The following DCAF5 variants were observed in gnomAD, a reference collection of about 807,000 sequenced individuals.
The protein encoded by DCAF5 is DDB1 and CUL4 associated factor 5.
Under a neutral mutation model 80.7 loss-of-function variants are expected in DCAF5, and 9 were observed. The observed-to-expected ratio is 0.11, with a 90% CI of 0.07 to 0.19. DCAF5 has a LOEUF of 0.19. Among genes scored for constraint, DCAF5 ranks in the 10% least tolerant of loss-of-function variants. The pLI is 1.00. For synonymous variants in DCAF5, 433 were observed against 461.9 expected (o/e 0.94, Z 0.80); for missense variants, 842 against 1,205.7 (o/e 0.70, Z 4.47).
At chr14:69,083,871 C>T (rs1467674311) in intron 6 of DCAF5, 1 of 758,674 alleles carries the variant, frequency 1.3e-6, no homozygotes, top group East Asian at 2.4e-5. Context: ...GTGAGATGCC[C>T]AGCCTGCCCC....
In DCAF5 at chr14:69,054,475, A is replaced by G. The variant is rs745435862; in HGVS notation, c.2211T>C (p.Thr737=). 19 of 1,613,888 alleles carry G rather than the reference A, an allele frequency of 1.2e-5. No individual in the cohort carries two copies. Among genetic ancestry groups the G allele is most frequent in the South Asian group, 6.6e-5 (6 of 91,082 alleles). ...GCSKDTFKEE[T]PRTPSNGPGH... is the part of the protein sequence containing the mutation. ...CTGGGCCATTGCTGGGAGTTCTAGG[A>G]GTCTCTTCTTTAAAAGTGTCCTTGC... The change falls in exon 9 of 9, where the codon ACT becomes ACC. Residue 737 remains threonine, a synonymous_variant. Transcript: ENST00000341516.
At chr14:69,120,174 C>A (rs892005995) in intron 2 of DCAF5, among the ~76,000 whole-genome samples, 1 of 152,054 alleles carries the variant, frequency 6.6e-6, no homozygotes, top group African/African-American at 2.4e-5. Context: ...GTCTTGACCT[C>A]CTGTGCTCAA....
chr14:69,143,814 CT>C, intron 1 of DCAF5: 1 of 152,228 alleles, frequency 6.6e-6, no homozygotes, highest in South Asian at 2.1e-4. Context: ...ATAAAAAAAT[CT>C]TTTTTCACCC....
rs2037885565 is a variant in DCAF5 at position 69,054,704 on chromosome 14, T to C, written c.1982A>G (p.Tyr661Cys). The part of the protein sequence containing the change: ...SDIESVERKI[Y>C]KAYKWLRYSY... Reference sequence around the variant, plus strand: ...GTAGCGGAGCCACTTGTAAGCTTTATAAATTTTTCGCTCAACTGATTCTAT... The same window carrying C: ...GTAGCGGAGCCACTTGTAAGCTTTACAAATTTTTCGCTCAACTGATTCTAT... The change falls in exon 9 of 9, where the codon TAT (tyrosine) becomes TGT (cysteine). Residue 661 changes from tyrosine to cysteine, a missense_variant. This residue lies in a region of DCAF5 where 607 missense variants were observed against 656.6 expected (regional missense o/e 0.92). Coordinates refer to ENST00000341516, the MANE Select transcript of DCAF5 (RefSeq NM_003861.3). The C allele has an allele frequency of 6.2e-7, 1 of 1,614,258 alleles. No homozygotes were observed. The highest frequency in any genetic ancestry group is 8.5e-7 in the Non-Finnish European group (1 of 1,180,046).
At chr14:69,132,461 G>C (rs1005955642) in intron 1 of DCAF5, among the ~76,000 whole-genome samples, 6 of 152,086 alleles carry the variant, frequency 3.9e-5, no homozygotes, top group African/African-American at 1.4e-4. Context: ...CTTTCTTCAT[G>C]AGTACCTACC....
In DCAF5 at chr14:69,118,607, A is replaced by G. The variant is rs533453602; in HGVS notation, c.396-329T>C. On this transcript the variant is annotated intron_variant, in intron 3 of 8. Transcript: ENST00000341516. The surrounding 1 kb of genome is among the most constrained non-coding windows in gnomAD (Gnocchi z 4.0). Reference sequence around the variant, plus strand: ...ATTTGGGGGTCATACTTGATTTTCAAAAAGCAAGGGAAAGCTTTAAAGCAG... The same window carrying G: ...ATTTGGGGGTCATACTTGATTTTCAGAAAGCAAGGGAAAGCTTTAAAGCAG... Among the ~76,000 whole-genome samples, 3 of 152,300 alleles carry G rather than the reference A, an allele frequency of 2.0e-5. No homozygotes were observed. Among genetic ancestry groups the G allele is most frequent in the African/African-American group, 7.2e-5 (3 of 41,562 alleles).
chr14:69,078,908 G>A (rs929445820), intron 6 of DCAF5, among the ~76,000 whole-genome samples: 4 of 152,098 alleles, frequency 2.6e-5, no homozygotes, highest in African/African-American at 9.7e-5. Context: ...TGCCGCCCAG[G>A]CTGGAGTGCA....
chr14:69,142,114 G>A (rs1180936127), intron 1 of DCAF5, among the ~76,000 whole-genome samples: 3 of 152,162 alleles, frequency 2.0e-5, no homozygotes, highest in African/African-American at 7.2e-5. Context: ...GGGCAAAATA[G>A]TGAGATCCTG....
At chr14:69,146,480 T>C (rs1238197068) in intron 1 of DCAF5, among the ~76,000 whole-genome samples, 7 of 152,156 alleles carry the variant, frequency 4.6e-5, no homozygotes, top group Non-Finnish European at 8.8e-5. Context: ...CATAGCAAAG[T>C]TCCTCAGGGC....
Position 69,152,958 on chromosome 14 carries a change from C to G in DCAF5, c.21G>C (p.Leu7=), listed in dbSNP as rs1341745816. 1 of 1,608,626 alleles carries G rather than the reference C, an allele frequency of 6.2e-7. No homozygotes were observed. Among genetic ancestry groups the G allele is most frequent in the Non-Finnish European group, 8.5e-7 (1 of 1,178,360 alleles). Residue 7 remains leucine (L), a synonymous_variant, in exon 1 of 9, where the codon CTG becomes CTC. Transcript: ENST00000341516. The surrounding 1 kb of genome is among the most constrained non-coding windows in gnomAD (Gnocchi z 4.1). MKRRAG[L]GGSMRSVVGF... is the part of the protein sequence containing the mutation. ...CCACCACTGACCTCATGCTGCCCCC[C>G]AGGCCAGCTCTCCTCTTCATGCTGG...
At chr14:69,138,956 G>A (rs2041271144) in intron 1 of DCAF5, among the ~76,000 whole-genome samples, 1 of 152,060 alleles carries the variant, frequency 6.6e-6, no homozygotes, top group African/African-American at 2.4e-5. Context: ...AGTCAGCCTG[G>A]GCAACATGGT....
rs116404625 is a variant in DCAF5, at chr14:69,111,132, C to T, written c.665+5234G>A. 5.8e-3 allele frequency among the ~76,000 whole-genome samples: 878 copies of T among 152,290 alleles called. 3 individuals are homozygous for T. The highest frequency in any genetic ancestry group is 0.018 in the African/African-American group (751 of 41,560). On this transcript the variant is annotated intron_variant, in intron 5 of 8. Coordinates refer to ENST00000341516, the MANE Select transcript of DCAF5 (RefSeq NM_003861.3). The stretch of plus-strand genomic sequence containing the variant: ...TTTTCCAGCCTTTGACATTAAGCCC[C>T]TGGGCTTTATTTTCCTATAATGGTA...
In DCAF5 at chr14:69,105,914, CATATATATATATATAT is replaced by C. The variant is rs35075766; in HGVS notation, c.665+10436_665+10451del. The stretch of plus-strand genomic sequence containing the variant: ...GAGCCAATTTTCCCTAATAAACTGT[CATATATATATATATAT>C]ATATATATATATATATCTCCTATTG... On this transcript the variant is annotated intron_variant, in intron 5 of 8. Coordinates refer to ENST00000341516, the MANE Select transcript of DCAF5 (RefSeq NM_003861.3). Among the ~76,000 whole-genome samples the C allele has an allele frequency of 5.0e-4, 25 of 50,006 alleles. 4 individuals are homozygous for C. The highest frequency in any genetic ancestry group is 2.6e-3 in the East Asian group (1 of 392). 32.8% of individuals were successfully genotyped at this position (50,006 alleles called of 152,430 possible). A position where few individuals can be genotyped will look rare whatever the true frequency, so the allele number is the denominator to read the frequency against.
intron 6 of DCAF5, chr14:69,084,099 T>C (rs2039223696): frequency 5.0e-6 from 4 of 800,156 alleles, no homozygotes; most frequent in South Asian, 1.3e-5. Context: ...GCTGAACTCA[T>C]TGTTAAGTTA....
chr14:69,133,069 A>G (rs1434219812), intron 1 of DCAF5, among the ~76,000 whole-genome samples: 2 of 152,230 alleles, frequency 1.3e-5, no homozygotes, highest in Non-Finnish European at 2.9e-5. Context: ...AACAGCTAAC[A>G]TCAGTTAAGT....
Position 69,054,498 on chromosome 14 carries a change from T to C in DCAF5, c.2188A>G (p.Lys730Glu). ...GGAGTCTCTTCTTTAAAAGTGTCCT[T>C]GCTGCAGCCTTCAGGTGGCAGGTCC... ...NQDLPPEGCS[K>E]DTFKEETPRT... Residue 730 changes from lysine to glutamate, a missense_variant, in exon 9 of 9, where the codon AAG becomes GAG. Coordinates refer to ENST00000341516, the MANE Select transcript of DCAF5 (RefSeq NM_003861.3). 6.2e-7 allele frequency: 1 copy of C among 1,614,174 alleles called. No individual in the cohort carries two copies. The highest frequency in any genetic ancestry group is 8.5e-7 in the Non-Finnish European group (1 of 1,180,024).
chr14:69,145,911 T>C (rs749805670), intron 1 of DCAF5, among the ~76,000 whole-genome samples: 1 of 152,252 alleles, frequency 6.6e-6, no homozygotes, highest in Non-Finnish European at 1.5e-5. Context: ...AGTGCTCTTA[T>C]AAACTTATGC....
At chr14:69,065,857 A>T (rs2038416913) in intron 7 of DCAF5, among the ~76,000 whole-genome samples, 2 of 152,210 alleles carry the variant, frequency 1.3e-5, no homozygotes, top group African/African-American at 4.8e-5. Context: ...CAGGAAGGGC[A>T]TATTTTTATC....
chr14:69,059,419 G>A (rs934018813), intron 8 of DCAF5, among the ~76,000 whole-genome samples: 2 of 152,140 alleles, frequency 1.3e-5, no homozygotes, highest in South Asian at 2.1e-4. Flanking sequence ...AACGCTCTTT[G>A]AGCCACTGAT....
Sources: gnomAD v4.1 joint callset for allele counts (sites outside exome capture counted in the v4.1 genomes callset) on GRCh38, gnomAD v4.1.1 for gene constraint, gnomAD v4.1.1 regional missense constraint, Gnocchi (gnomAD v3.1) non-coding constraint, MANE v1.5 for transcripts, NCBI Gene and HGNC (gene_info 2026-07-23, HGNC 2026-07-21) for gene names.